Variants in PRKD3 observed in about 807,000 individuals in gnomAD.
PRKD3 encodes the protein serine/threonine-protein kinase D3.
Under a neutral mutation model 99.2 loss-of-function variants are expected in PRKD3, and 47 were observed. The observed-to-expected ratio is 0.47, with a 90% confidence interval of 0.38 to 0.60. The LOEUF is 0.60. Among genes scored for constraint, PRKD3 ranks in the 20% least tolerant of loss-of-function variants. PRKD3 has a pLI of 0.00. For missense variants in PRKD3, 1,019 were observed against 1,088.4 expected, an observed-to-expected ratio of 0.94 and a Z score of 0.90; for synonymous variants, 392 against 355.4, an observed-to-expected ratio of 1.10 and a Z score of -1.16.
chr2:37,307,817 C>T (rs569355309), intron 2 of PRKD3, among the ~76,000 whole-genome samples: 1 of 152,356 alleles, frequency 6.6e-6, no homozygotes, highest in African/African-American at 2.4e-5. Flanking sequence ...CGCTTTTGGT[C>T]ATATCCAAGT....
At chr2:37,303,172 G>C (rs761238138) in intron 2 of PRKD3, among the ~76,000 whole-genome samples, 1 of 151,916 alleles carries the variant, frequency 6.6e-6, no homozygotes, top group East Asian at 1.9e-4. Flanking sequence ...AGAGCCGCTG[G>C]ACCTCAGGAG....
rs375911537 is a variant in PRKD3 at position 37,282,921 on chromosome 2, T to C, written c.911-302A>G. Among the ~76,000 whole-genome samples, 85 of 152,342 alleles carry C rather than the reference T, an allele frequency of 5.6e-4. 1 individual carries two copies. In the South Asian group the frequency reaches 0.016, roughly 29 times the overall value. On this transcript the variant is annotated intron_variant, in intron 6 of 18. Coordinates refer to ENST00000234179, the MANE Select transcript of PRKD3 (RefSeq NM_005813.6). Reference sequence around the variant, plus strand: ...ATGAGAGTTTCTCAAGCTGATTAAATTCCTATCCAACATATGTCAGATACA... The same window carrying C: ...ATGAGAGTTTCTCAAGCTGATTAAACTCCTATCCAACATATGTCAGATACA...
intron 2 of PRKD3, among the ~76,000 whole-genome samples, chr2:37,293,742 G>A (rs1392507585): frequency 3.3e-5 from 5 of 152,188 alleles, no homozygotes; most frequent in Non-Finnish European, 5.9e-5. Context: ...TCACCTGCCT[G>A]CATCAAATGG....
Position 37,290,910 on chromosome 2 carries a change from C to G in PRKD3, c.517G>C (p.Glu173Gln). 1 of 1,605,478 alleles carries G rather than the reference C, an allele frequency of 6.2e-7. No homozygotes were observed. The highest frequency in any genetic ancestry group is 8.5e-7 in the Non-Finnish European group (1 of 1,172,182). The change falls in exon 4 of 19, where the codon GAG becomes CAG. Residue 173 changes from glutamate (E) to glutamine (Q), a missense_variant. By Grantham distance (29) the Glu-to-Gln change is conservative. Around this residue, in one of 3 missense-constraint regions of PRKD3, gnomAD observed 710 missense variants for 692.7 expected, o/e 1.02. Transcript: ENST00000234179. ...KAPTFCDYCG[E>Q]MLWGLVRQGL... The stretch of plus-strand genomic sequence containing the variant: ...TGACGTACCAATCCCCAGAGCATCT[C>G]ACCACAGTAATCACAGAAAGTAGGA...
intron 2 of PRKD3, among the ~76,000 whole-genome samples, chr2:37,301,154 C>T (rs2124869415): frequency 6.6e-6 from 1 of 152,240 alleles, no homozygotes; most frequent in Non-Finnish European, 1.5e-5. Flanking sequence ...AATCCAATTA[C>T]TCCTCAGAAT....
chr2:37,290,235 CT>C (rs112716351), intron 4 of PRKD3, among the ~76,000 whole-genome samples: 21 of 147,888 alleles, frequency 1.4e-4, no homozygotes, highest in Admixed American at 2.0e-4. Context: ...TAAGAGACAA[CT>C]TTTTTTTTTT....
At chr2:37,292,580 T>C (rs552312360) in intron 3 of PRKD3, among the ~76,000 whole-genome samples, 22 of 152,214 alleles carry the variant, frequency 1.4e-4, no homozygotes, top group African/African-American at 5.1e-4. Context: ...TCTCCTGACC[T>C]CGTGATCCGC....
rs893952621 is a variant in PRKD3 at position 37,251,718 on chromosome 2, C to G, written c.*1459G>C. The stretch of plus-strand genomic sequence containing the variant: ...ATTCATACATATCTGATCTTCACGA[C>G]AACACTGTGACAAAGGGAGAGGCAA... On this transcript the variant is annotated 3_prime_UTR_variant, in exon 19 of 19. Coordinates refer to ENST00000234179, the MANE Select transcript of PRKD3 (RefSeq NM_005813.6). 19 of 151,814 alleles carry G rather than the reference C, an allele frequency of 1.3e-4. No individual in the cohort carries two copies. 9.4% of individuals were successfully genotyped at this position (151,814 alleles called of 1,614,324 possible). A position where few individuals can be genotyped will look rare whatever the true frequency, so the allele number is the denominator to read the frequency against.
At chr2:37,284,126 G>A (rs1434420575) in intron 6 of PRKD3, among the ~76,000 whole-genome samples, 1 of 152,108 alleles carries the variant, frequency 6.6e-6, no homozygotes, top group East Asian at 1.9e-4. Flanking sequence ...TTAGAATTGT[G>A]TATTTTCTCA....
intron 2 of PRKD3, among the ~76,000 whole-genome samples, chr2:37,298,877 T>A (rs1989172): frequency 0.22 from 33,072 of 152,132 alleles, 4,610 homozygotes; most frequent in East Asian, 0.55. Flanking sequence ...CAAAAAAGGA[T>A]AATCTGACAT....
In PRKD3 at chr2:37,253,311, G is replaced by C. The variant is rs772985780; in HGVS notation, c.2539C>G (p.Arg847Gly). 26 of 1,612,692 alleles carry C rather than the reference G, an allele frequency of 1.6e-5. No individual in the cohort carries two copies. Among genetic ancestry groups the C allele is most frequent in the Non-Finnish European group, 2.1e-5 (25 of 1,179,188 alleles). ...TGTGTAATGTAACGTTCTCCAATGC[G>C]AGTTTCAAATTCTCTAAGGTCAAGC... Reference protein sequence around the residue: ...TWLDLREFETRIGERYITHES... With the variant: ...TWLDLREFETGIGERYITHES... The change falls in exon 19 of 19, where the codon CGC becomes GGC. Residue 847 changes from arginine (R) to glycine (G), a missense_variant. Coordinates refer to ENST00000234179, the MANE Select transcript of PRKD3 (RefSeq NM_005813.6).
At chr2:37,272,750 C>T (rs752939501) in intron 11 of PRKD3, among the ~76,000 whole-genome samples, 4 of 152,206 alleles carry the variant, frequency 2.6e-5, no homozygotes, top group South Asian at 2.1e-4. Context: ...TGCATTAGGA[C>T]GCTGAGGCAG....
chr2:37,287,025 G>C (rs1226534451), intron 5 of PRKD3, among the ~76,000 whole-genome samples: 1 of 151,924 alleles, frequency 6.6e-6, no homozygotes, highest in African/African-American at 2.4e-5. Context: ...GAGGTCAGGA[G>C]TTCAAGACCA....
chr2:37,254,180 A>AAG (rs771650245), intron 18 of PRKD3, 24 bp downstream of exon 18: 1 of 1,557,732 alleles, frequency 6.4e-7, no homozygotes, highest in Non-Finnish European at 8.9e-7. Context: ...AGGATTGCCA[A>AAG]AGAGAGATTA....
intron 5 of PRKD3, among the ~76,000 whole-genome samples, chr2:37,287,753 A>G (rs1037728309): frequency 7.9e-5 from 12 of 152,200 alleles, no homozygotes; most frequent in Admixed American, 1.3e-4. Flanking sequence ...TGGGTGATCT[A>G]TAATTTAGTT....
At chr2:37,262,035 C>T (rs1264167820) in intron 14 of PRKD3, among the ~76,000 whole-genome samples, 1 of 152,192 alleles carries the variant, frequency 6.6e-6, no homozygotes, top group Non-Finnish European at 1.5e-5. Flanking sequence ...AGGTAGGCTA[C>T]ACGGGGCTAA....
Position 37,256,657 on chromosome 2 carries a change from T to TAAA in PRKD3, c.2413+4_2413+5insTTT. 2.4e-6 allele frequency: 3 copies of TAAA among 1,258,664 alleles called. No individual in the cohort carries two copies. Among genetic ancestry groups the TAAA allele is most frequent in the Non-Finnish European group, 3.1e-6 (3 of 957,926 alleles). 78.0% of individuals were successfully genotyped at this position (1,258,664 alleles called of 1,614,324 possible). On this transcript the variant is annotated splice_donor_region_variant and intron_variant, in intron 17 of 18. Coordinates refer to ENST00000234179, the MANE Select transcript of PRKD3 (RefSeq NM_005813.6). Reference sequence around the variant, plus strand: ...TTTTTTTTTTTTTTTTTTTTTTTTTTTTACCTTCACCAGAAATTTCTCTCC... The same window carrying TAAA: ...TTTTTTTTTTTTTTTTTTTTTTTTTTAAATTACCTTCACCAGAAATTTCTCTCC...
At chr2:37,270,132 CA>C (rs1669131110) in intron 12 of PRKD3, among the ~76,000 whole-genome samples, 3 of 151,878 alleles carry the variant, frequency 2.0e-5, no homozygotes, top group Non-Finnish European at 4.4e-5. Flanking sequence ...GAGGCTGAGG[CA>C]GGAGAATCGC....
intron 13 of PRKD3, chr2:37,268,492 C>A: frequency 2.7e-6 from 1 of 365,456 alleles, no homozygotes. Flanking sequence ...CATCTCACAG[C>A]CAACGCTCCA....
Sources: gnomAD v4.1 joint callset for allele counts (sites outside exome capture counted in the v4.1 genomes callset) on GRCh38, gnomAD v4.1.1 for gene constraint, gnomAD v4.1.1 regional missense constraint, MANE v1.5 for transcripts, NCBI Gene and HGNC (gene_info 2026-07-23, HGNC 2026-07-21) for gene names.